The following NOS1AP variants were observed in gnomAD, a reference collection of about 807,000 sequenced individuals.
NOS1AP encodes the protein carboxyl-terminal PDZ ligand of neuronal nitric oxide synthase protein.
NOS1AP carries 21 observed loss-of-function variants against 56.2 expected under a neutral mutation model. The ratio of observed to expected loss-of-function variants is 0.37; its 90% CI spans 0.26 to 0.54. The LOEUF (loss-of-function observed/expected upper bound fraction) is 0.54. Ranked by LOEUF, NOS1AP falls within the 20% of genes least tolerant of loss-of-function variation. The pLI, the probability that NOS1AP is intolerant of heterozygous loss-of-function variation, is 0.84. For missense variants in NOS1AP, 522 were observed against 657.8 expected (o/e 0.79, Z 2.26); for synonymous variants, 270 against 274.6 (o/e 0.98, Z 0.17).
At chr1:162,150,211 A>ACTC (rs1380572651) in intron 1 of NOS1AP, among the ~76,000 whole-genome samples, 1 of 152,170 alleles carries the variant, frequency 6.6e-6, no homozygotes, top group Non-Finnish European at 1.5e-5. Context: ...TTTAGCTCCC[A>ACTC]CAAATAAGTG....
chr1:162,303,095 C>T (rs572163056), intron 4 of NOS1AP, among the ~76,000 whole-genome samples: 4 of 151,986 alleles, frequency 2.6e-5, no homozygotes, highest in Non-Finnish European at 5.9e-5. Flanking sequence ...TGGTGGTTTC[C>T]GGTTTTGGGC....
chr1:162,188,720 A>T lies in NOS1AP; in HGVS notation c.177+34244A>T, dbSNP rs377000365. Among the ~76,000 whole-genome samples the T allele has an allele frequency of 1.3e-5, 2 of 152,142 alleles. No individual in the cohort carries two copies. The highest frequency in any genetic ancestry group is 4.8e-5 in the African/African-American group (2 of 41,416). On this transcript the variant is annotated intron_variant, in intron 2 of 9. Coordinates refer to ENST00000361897, the MANE Select transcript of NOS1AP (RefSeq NM_014697.3). This position sits in a 1 kb window ranked among gnomAD's most constrained non-coding sequence, Gnocchi z 4.0. ...TTTGTTGAATGATAACAGTGTAATA[A>T]ATGTCTCTATTTTTATTTTCAAATG...
chr1:162,273,160 CT>C (rs11429407), intron 2 of NOS1AP, among the ~76,000 whole-genome samples: 28,418 of 105,556 alleles, frequency 0.27, 2,451 homozygotes, highest in African/African-American at 0.39. Context: ...AGCCCTTGTT[CT>C]TTTTTTTTTT....
At position 162,269,223 on chromosome 1, in the gene NOS1AP, A is replaced by C. The variant is rs373250398; in HGVS notation, c.178-18121A>C. Among the ~76,000 whole-genome samples, 5 of 152,220 alleles carry C rather than the reference A, an allele frequency of 3.3e-5. No individual in the cohort carries two copies. In the East Asian group the frequency reaches 5.8e-4, roughly 18 times the overall value. ...TCATTGAGTTTGAGAGCCATCAGTC[A>C]CCTTGCAGCCAATTTCTCAAGATAA... is the stretch of plus-strand genomic sequence containing the variant. On this transcript the variant is annotated intron_variant, in intron 2 of 9. Transcript: ENST00000361897.
At chr1:162,297,636 A>T (rs188763204) in intron 3 of NOS1AP, among the ~76,000 whole-genome samples, 4 of 152,266 alleles carry the variant, frequency 2.6e-5, no homozygotes, top group African/African-American at 7.2e-5. Context: ...GCTACAGATT[A>T]TGGGGCGTCA....
chr1:162,308,615 A>T (rs541958849), intron 4 of NOS1AP, among the ~76,000 whole-genome samples: 1 of 152,290 alleles, frequency 6.6e-6, no homozygotes, highest in Admixed American at 6.5e-5. Context: ...GGACCAAGGG[A>T]AGCCCTTTCA....
chr1:162,240,183 A>G (rs1230179943), intron 2 of NOS1AP, among the ~76,000 whole-genome samples: 3 of 152,058 alleles, frequency 2.0e-5, no homozygotes, highest in African/African-American at 7.3e-5. Flanking sequence ...CTGACTGAAC[A>G]GAGGGGCCTC....
At chr1:162,227,007 C>T (rs1208997316) in intron 2 of NOS1AP, among the ~76,000 whole-genome samples, 2 of 151,896 alleles carry the variant, frequency 1.3e-5, no homozygotes, top group Non-Finnish European at 2.9e-5. Flanking sequence ...AAATGAAATG[C>T]ACCATTCATT....
In NOS1AP at chr1:162,255,490, A is replaced by ATT. The variant is rs35637289; in HGVS notation, c.178-31820_178-31819dup. ...ATGCATAGGTTATTTGCTGCTGCTGATTTTTTTTTTTTTTTTTTTTTTTTT... is the reference window on the plus strand; with the variant it reads ...ATGCATAGGTTATTTGCTGCTGCTGATTTTTTTTTTTTTTTTTTTTTTTTTTT... On this transcript the variant is annotated intron_variant, in intron 2 of 9. Transcript: ENST00000361897. Among the ~76,000 whole-genome samples the ATT allele has an allele frequency of 8.8e-3, 536 of 60,926 alleles. 76 individuals are homozygous for ATT. The highest frequency in any genetic ancestry group is 0.013 in the Non-Finnish European group (365 of 28,132). 40.0% of individuals were successfully genotyped at this position (60,926 alleles called of 152,430 possible). A position where few individuals can be genotyped will look rare whatever the true frequency, so the allele number is the denominator to read the frequency against.
At chr1:162,090,048 A>G (rs1472226013) in intron 1 of NOS1AP, among the ~76,000 whole-genome samples, 2 of 152,188 alleles carry the variant, frequency 1.3e-5, no homozygotes, top group Admixed American at 6.5e-5. Flanking sequence ...TACATATTTA[A>G]TACTTACTAC....
chr1:162,267,995 C>T (rs1413917679), intron 2 of NOS1AP, among the ~76,000 whole-genome samples: 1 of 152,082 alleles, frequency 6.6e-6, no homozygotes, highest in Admixed American at 6.6e-5. Flanking sequence ...TTCGGTGGCT[C>T]ATGCCTGTAA....
chr1:162,344,206 A>G (rs1174492675), intron 6 of NOS1AP, among the ~76,000 whole-genome samples: 5 of 152,220 alleles, frequency 3.3e-5, no homozygotes, highest in South Asian at 2.1e-4. Flanking sequence ...GATATCAGGG[A>G]GAGGTAGAGC....
At chr1:162,212,404 C>T (rs939358160) in intron 2 of NOS1AP, among the ~76,000 whole-genome samples, 3 of 152,142 alleles carry the variant, frequency 2.0e-5, no homozygotes, top group Non-Finnish European at 4.4e-5. Flanking sequence ...GTCCTGCCCT[C>T]ATGAAACACA....
At chr1:162,248,944 G>T (rs1024583267) in intron 2 of NOS1AP, among the ~76,000 whole-genome samples, 1 of 152,012 alleles carries the variant, frequency 6.6e-6, no homozygotes, top group East Asian at 1.9e-4. Flanking sequence ...TTATCAAGGG[G>T]TGATGGACAA....
At chr1:162,097,325 T>G (rs1692269102) in intron 1 of NOS1AP, among the ~76,000 whole-genome samples, 2 of 152,208 alleles carry the variant, frequency 1.3e-5, no homozygotes, top group South Asian at 4.1e-4. Context: ...GTATAACAAT[T>G]GTCTTTTCCA....
At chr1:162,075,214 A>G (rs1249809208) in intron 1 of NOS1AP, among the ~76,000 whole-genome samples, 1 of 152,204 alleles carries the variant, frequency 6.6e-6, no homozygotes, top group Non-Finnish European at 1.5e-5. Context: ...CCAAGCCTCA[A>G]CATCAGGTAC....
chr1:162,159,095 T>C (rs1650089415), intron 2 of NOS1AP, among the ~76,000 whole-genome samples: 1 of 152,210 alleles, frequency 6.6e-6, no homozygotes, highest in Non-Finnish European at 1.5e-5. Flanking sequence ...GGCATTGCAC[T>C]GTCAGTCCAA....
At chr1:162,291,079 T>C (rs1655270048) in intron 3 of NOS1AP, among the ~76,000 whole-genome samples, 1 of 151,312 alleles carries the variant, frequency 6.6e-6, no homozygotes, top group Non-Finnish European at 1.5e-5. Flanking sequence ...TGGGTCACTA[T>C]GTTGTTGTTT....
chr1:162,260,060 A>G (rs190345488), intron 2 of NOS1AP, among the ~76,000 whole-genome samples: 1 of 152,162 alleles, frequency 6.6e-6, no homozygotes, highest in Admixed American at 6.5e-5. Context: ...CAATGATGTC[A>G]TGGGTATGAA....
Sources: allele counts gnomAD v4.1 joint callset (sites outside exome capture counted in the v4.1 genomes callset), GRCh38; gene constraint gnomAD v4.1.1; non-coding constraint Gnocchi (gnomAD v3.1); transcripts MANE v1.5; gene names NCBI Gene and HGNC (gene_info 2026-07-23, HGNC 2026-07-21).